Variants in FTO observed in about 807,000 individuals in gnomAD.
FTO encodes FTO alpha-ketoglutarate dependent dioxygenase.
Under a neutral mutation model 63.9 loss-of-function variants are expected in FTO, and 47 were observed. That is an observed-to-expected ratio of 0.74 (90% confidence interval 0.58 to 0.94). The LOEUF is 0.94. Among genes scored for constraint, FTO ranks in the 40% least tolerant of loss-of-function variants. The pLI is 0.00. For synonymous variants in FTO, 207 were observed against 224.4 expected (o/e 0.92, Z 0.69); for missense variants, 562 against 618.1 (o/e 0.91, Z 0.96).
intron 7 of FTO, among the ~76,000 whole-genome samples, chr16:53,919,076 G>A (rs1455381370): frequency 2.0e-5 from 3 of 152,128 alleles, no homozygotes; most frequent in East Asian, 3.8e-4. Flanking sequence ...GGGCACAGGC[G>A]CCTGATGTCT....
At chr16:54,077,000 A>G (rs1360104730) in intron 8 of FTO, among the ~76,000 whole-genome samples, 1 of 152,152 alleles carries the variant, frequency 6.6e-6, no homozygotes, top group African/African-American at 2.4e-5. Flanking sequence ...GGCCTATGTG[A>G]TTATTTGACA....
chr16:54,096,664 C>T (rs2086522650), intron 8 of FTO, among the ~76,000 whole-genome samples: 1 of 152,114 alleles, frequency 6.6e-6, no homozygotes, highest in Non-Finnish European at 1.5e-5. Flanking sequence ...CCAATTTTAC[C>T]AAGTTCAGTT....
Position 53,893,214 on chromosome 16 carries a change from G to A in FTO, c.1239+4263G>A, listed in dbSNP as rs748189176. ...TCTTATAACCCAGGAATTTAGTCTGGCCTTTCCCCTCCTCTTTGCTCCCTA... is the reference window on the plus strand; with the variant it reads ...TCTTATAACCCAGGAATTTAGTCTGACCTTTCCCCTCCTCTTTGCTCCCTA... On this transcript the variant is annotated intron_variant, in intron 7 of 8. Transcript: ENST00000471389. Among the ~76,000 whole-genome samples, 49 of 152,074 alleles carry A rather than the reference G, an allele frequency of 3.2e-4. 1 individual carries two copies. The highest frequency in any genetic ancestry group is 3.7e-4 in the Non-Finnish European group (25 of 68,030).
chr16:53,765,544 C>T (rs1183026460), intron 1 of FTO, among the ~76,000 whole-genome samples: 4 of 131,186 alleles, frequency 3.0e-5, no homozygotes, highest in Admixed American at 7.9e-5. Context: ...GCAACAAGAG[C>T]GAAACTCCGT....
chr16:53,891,194 G>A (rs2081137857), intron 7 of FTO, among the ~76,000 whole-genome samples: 1 of 151,856 alleles, frequency 6.6e-6, no homozygotes, highest in African/African-American at 2.4e-5. Context: ...GTTTCACCAT[G>A]TTGGCCAGGC....
intron 1 of FTO, among the ~76,000 whole-genome samples, chr16:53,765,557 C>CAAA (rs11383210): frequency 2.5e-5 from 3 of 120,600 alleles, no homozygotes; most frequent in Non-Finnish European, 1.8e-5. Context: ...AACTCCGTCT[C>CAAA]AAAAAAAAAA....
intron 8 of FTO, among the ~76,000 whole-genome samples, chr16:54,103,281 A>C (rs1599371632): frequency 6.6e-6 from 1 of 152,236 alleles, no homozygotes; most frequent in Non-Finnish European, 1.5e-5. Context: ...TGAACAGCCT[A>C]TCTTATATAG....
chr16:53,708,311 G>C (rs2075676890), intron 1 of FTO, among the ~76,000 whole-genome samples: 1 of 151,850 alleles, frequency 6.6e-6, no homozygotes. Flanking sequence ...GTTGCAGAGA[G>C]CCCAGATTGT....
chr16:53,900,449 T>G (rs527352513), intron 7 of FTO, among the ~76,000 whole-genome samples: 1 of 152,224 alleles, frequency 6.6e-6, no homozygotes, highest in Admixed American at 6.5e-5. Flanking sequence ...CAGAATCCTC[T>G]TCTCTTGCAT....
At chr16:54,016,337 A>G (rs2084448745) in intron 8 of FTO, among the ~76,000 whole-genome samples, 1 of 151,266 alleles carries the variant, frequency 6.6e-6, no homozygotes, top group African/African-American at 2.4e-5. Context: ...GTCCTCTTGG[A>G]CCGAGCAACA....
intron 4 of FTO, among the ~76,000 whole-genome samples, chr16:53,853,049 T>C (rs974268253): frequency 3.3e-5 from 5 of 152,128 alleles, no homozygotes; most frequent in Admixed American, 1.3e-4. Context: ...TCCCAACACT[T>C]TGGGAGGCTG....
chr16:53,960,776 C>T (rs2083059595), intron 8 of FTO, among the ~76,000 whole-genome samples: 1 of 151,988 alleles, frequency 6.6e-6, no homozygotes, highest in African/African-American at 2.4e-5. Context: ...TGGTTTTGAC[C>T]CCTTGACTCC....
At chr16:54,015,335 G>A (rs2084416815) in intron 8 of FTO, among the ~76,000 whole-genome samples, 1 of 152,312 alleles carries the variant, frequency 6.6e-6, no homozygotes, top group Admixed American at 6.5e-5. Flanking sequence ...TCCTAAGTGT[G>A]CGTCACCTAC....
At chr16:54,079,283 A>G (rs560633017) in intron 8 of FTO, among the ~76,000 whole-genome samples, 2 of 152,294 alleles carry the variant, frequency 1.3e-5, no homozygotes, top group African/African-American at 4.8e-5. Flanking sequence ...AAGGTAATAC[A>G]AGCACAGGAT....
chr16:54,080,345 T>A (rs2086112461), intron 8 of FTO, among the ~76,000 whole-genome samples: 1 of 152,182 alleles, frequency 6.6e-6, no homozygotes, highest in Admixed American at 6.5e-5. Flanking sequence ...TAATAATAGT[T>A]GTCATTGGGC....
chr16:53,715,021 A>G (rs1031503936), intron 1 of FTO, among the ~76,000 whole-genome samples: 2 of 152,204 alleles, frequency 1.3e-5, no homozygotes, highest in Non-Finnish European at 2.9e-5. Context: ...CATATTGATC[A>G]GACCATCAAG....
In FTO at chr16:53,963,361, G is replaced by A. The variant is rs371264596; in HGVS notation, c.1364+29252G>A. Reference sequence around the variant, plus strand: ...TGGGGCCTAGATTGACCTCTTTTGTGTGGACAGCACAGAGAACATAGGGAA... The same window carrying A: ...TGGGGCCTAGATTGACCTCTTTTGTATGGACAGCACAGAGAACATAGGGAA... On this transcript the variant is annotated intron_variant, in intron 8 of 8. Coordinates refer to ENST00000471389, the MANE Select transcript of FTO (RefSeq NM_001080432.3). Among the ~76,000 whole-genome samples the A allele has an allele frequency of 3.4e-4, 52 of 152,278 alleles. 2 individuals are homozygous for A. In the South Asian group the frequency reaches 0.011, roughly 31 times the overall value.
At chr16:53,975,589 G>A (rs8056299) in intron 8 of FTO, among the ~76,000 whole-genome samples, 96,386 of 151,532 alleles carry the variant, frequency 0.64, 32,379 homozygotes, top group East Asian at 0.84. Flanking sequence ...AAAATACTCA[G>A]TTAGCATATA....
chr16:53,902,840 A>G (rs1358982735), intron 7 of FTO, among the ~76,000 whole-genome samples: 1 of 152,240 alleles, frequency 6.6e-6, no homozygotes, highest in African/African-American at 2.4e-5. Flanking sequence ...GTGGCCGGGC[A>G]TGGTGGCTCA....
Sources: allele counts gnomAD v4.1 joint callset (sites outside exome capture counted in the v4.1 genomes callset), GRCh38; gene constraint gnomAD v4.1.1; transcripts MANE v1.5; gene names NCBI Gene and HGNC (gene_info 2026-07-23, HGNC 2026-07-21).